Variants in CREB5 observed in about 807,000 individuals in gnomAD.
CREB5 encodes cAMP responsive element binding protein 5.
A neutral mutation model predicts 57.1 loss-of-function variants in CREB5; 19 were observed. The ratio of observed to expected loss-of-function variants is 0.33; its 90% CI spans 0.23 to 0.49. CREB5 has a LOEUF of 0.49. Ranked by LOEUF, CREB5 falls within the 20% of genes least tolerant of loss-of-function variation. CREB5 has a pLI of 0.99. For synonymous variants in CREB5, 238 were observed against 238.3 expected (o/e 1.00, Z 0.01); for missense variants, 579 against 671.6 (o/e 0.86, Z 1.52).
intron 1 of CREB5, among the ~76,000 whole-genome samples, chr7:28,464,941 T>C (rs187194786): frequency 1.1e-3 from 169 of 152,290 alleles, no homozygotes; most frequent in African/African-American, 4.1e-3. Flanking sequence ...GAGGCACATA[T>C]GATTATATAA....
intron 1 of CREB5, among the ~76,000 whole-genome samples, chr7:28,330,459 C>T (rs1270646725): frequency 1.5e-5 from 2 of 130,388 alleles, no homozygotes; most frequent in Non-Finnish European, 3.1e-5. Flanking sequence ...ACCTTTTCTC[C>T]CTAATGATAT....
chr7:28,319,901 G>GT (rs56390342), intron 1 of CREB5, among the ~76,000 whole-genome samples: 25,601 of 150,592 alleles, frequency 0.17, 2,752 homozygotes, highest in Middle Eastern at 0.35. Flanking sequence ...TACAAATAGT[G>GT]TTTTTTTTTC....
intron 5 of CREB5, among the ~76,000 whole-genome samples, chr7:28,608,643 A>G (rs1690712890): frequency 6.6e-6 from 1 of 152,204 alleles, no homozygotes; most frequent in African/African-American, 2.4e-5. Context: ...AAGGACTTAC[A>G]TCAGTAACTT....
intron 1 of CREB5, among the ~76,000 whole-genome samples, chr7:28,487,827 C>G (rs1186571967): frequency 6.6e-6 from 1 of 152,224 alleles, no homozygotes; most frequent in Non-Finnish European, 1.5e-5. Context: ...TTGGTGTACA[C>G]TTTGCCTGAG....
At chr7:28,484,386 T>C (rs1210194445) in intron 1 of CREB5, among the ~76,000 whole-genome samples, 1 of 152,164 alleles carries the variant, frequency 6.6e-6, no homozygotes, top group Non-Finnish European at 1.5e-5. Context: ...TAATAAAGCC[T>C]ACATGGTAGA....
intron 7 of CREB5, among the ~76,000 whole-genome samples, chr7:28,755,141 A>G (rs1805223670): frequency 6.6e-6 from 1 of 152,182 alleles, no homozygotes; most frequent in Non-Finnish European, 1.5e-5. Context: ...TCCCTCTGTA[A>G]GTTTATAGCC....
At chr7:28,316,137 G>A (rs972238636) in intron 1 of CREB5, among the ~76,000 whole-genome samples, 1 of 152,194 alleles carries the variant, frequency 6.6e-6, no homozygotes, top group Non-Finnish European at 1.5e-5. Context: ...CGATTCTGTG[G>A]CTTAGTTTTG....
At chr7:28,667,271 C>G (rs895307280) in intron 5 of CREB5, among the ~76,000 whole-genome samples, 10 of 150,652 alleles carry the variant, frequency 6.6e-5, no homozygotes, top group Admixed American at 6.0e-4. Flanking sequence ...TGAGTGTGTT[C>G]TTGTAAGCAC....
At chr7:28,776,487 G>C (rs571181146) in intron 7 of CREB5, among the ~76,000 whole-genome samples, 1 of 152,024 alleles carries the variant, frequency 6.6e-6, no homozygotes, top group Non-Finnish European at 1.5e-5. Context: ...TTATTTGGAG[G>C]AACAGCATCT....
At chr7:28,450,379 A>G (rs1302361554) in intron 1 of CREB5, among the ~76,000 whole-genome samples, 3 of 152,236 alleles carry the variant, frequency 2.0e-5, no homozygotes, top group Non-Finnish European at 4.4e-5. Flanking sequence ...AAATTATCCC[A>G]GTTCTAAAGC....
At chr7:28,755,841 T>C (rs1171833523) in intron 7 of CREB5, among the ~76,000 whole-genome samples, 1 of 152,104 alleles carries the variant, frequency 6.6e-6, no homozygotes, top group Non-Finnish European at 1.5e-5. Context: ...CCCTAAAATC[T>C]GTAAGTGTTA....
At chr7:28,731,173 T>C (rs1803605565) in intron 7 of CREB5, among the ~76,000 whole-genome samples, 1 of 152,230 alleles carries the variant, frequency 6.6e-6, no homozygotes, top group African/African-American at 2.4e-5. Context: ...ATCTCCTTTC[T>C]GCTGGCTAGA....
intron 7 of CREB5, among the ~76,000 whole-genome samples, chr7:28,790,088 C>T (rs1000450436): frequency 4.6e-5 from 7 of 152,150 alleles, no homozygotes; most frequent in South Asian, 2.1e-4. Flanking sequence ...TTATTACTTA[C>T]GTTTAGGGAA....
At chr7:28,571,482 G>A (rs1338829820) in intron 5 of CREB5, among the ~76,000 whole-genome samples, 2 of 152,136 alleles carry the variant, frequency 1.3e-5, no homozygotes, top group Non-Finnish European at 1.5e-5. Flanking sequence ...AAAGAAAGCA[G>A]GCCCCTCTCT....
intron 5 of CREB5, among the ~76,000 whole-genome samples, chr7:28,675,484 T>G (rs1284185454): frequency 6.6e-6 from 1 of 152,158 alleles, no homozygotes; most frequent in African/African-American, 2.4e-5. Context: ...TAAAGTCTTT[T>G]GTGAGATGAC....
chr7:28,550,610 C>T (rs1794596198), intron 4 of CREB5, among the ~76,000 whole-genome samples: 2 of 152,202 alleles, frequency 1.3e-5, no homozygotes, highest in South Asian at 4.1e-4. Flanking sequence ...CCCTTACTTC[C>T]TCACCTTCTC....
Position 28,824,123 on chromosome 7 carries a change from T to C in CREB5, c.*4844T>C, listed in dbSNP as rs769719424. On this transcript the variant is annotated 3_prime_UTR_variant, in exon 11 of 11. Coordinates refer to ENST00000357727, the MANE Select transcript of CREB5 (RefSeq NM_182898.4). ...CAGATATTTGCACCAGGTACATTTA[T>C]GTGCGTCCATTGGTAGCACAGCTGA... The C allele has an allele frequency of 6.6e-6, 1 of 152,532 alleles. No individual in the cohort carries two copies. Among genetic ancestry groups the C allele is most frequent in the African/African-American group, 2.4e-5 (1 of 41,402 alleles). The allele number at this position is 152,532 out of a possible 1,614,324, so 9.4% of individuals were successfully genotyped here.
intron 5 of CREB5, among the ~76,000 whole-genome samples, chr7:28,573,189 G>A (rs1371435398): frequency 6.6e-6 from 1 of 152,156 alleles, no homozygotes; most frequent in African/African-American, 2.4e-5. Context: ...GAGGAAATGA[G>A]TACTTATTTG....
chr7:28,440,633 C>G (rs1019892993), intron 1 of CREB5, among the ~76,000 whole-genome samples: 14 of 152,142 alleles, frequency 9.2e-5, no homozygotes, highest in African/African-American at 2.9e-4. Context: ...ACTTATAAAA[C>G]CACTGAGGCA....
Sources: gnomAD v4.1 joint callset for allele counts (sites outside exome capture counted in the v4.1 genomes callset) on GRCh38, gnomAD v4.1.1 for gene constraint, MANE v1.5 for transcripts, NCBI Gene and HGNC (gene_info 2026-07-23, HGNC 2026-07-21) for gene names.